The following ATP8A2 variants were observed in gnomAD, a reference collection of about 807,000 sequenced individuals.
The protein encoded by ATP8A2 is ATPase phospholipid transporting 8A2.
ATP8A2 carries 100 observed loss-of-function variants against 165.6 expected under a neutral mutation model. That is an observed-to-expected ratio of 0.60 (90% CI 0.51 to 0.71). ATP8A2 has a LOEUF of 0.71. Ranked by LOEUF, ATP8A2 falls within the 30% of genes least tolerant of loss-of-function variation. The pLI is 0.00. For missense variants in ATP8A2, 1,227 were observed against 1,479.5 expected (o/e 0.83, Z 2.80); for synonymous variants, 543 against 548.8 (o/e 0.99, Z 0.15).
chr13:25,470,088 T>C (rs2137527496), intron 2 of ATP8A2, among the ~76,000 whole-genome samples: 1 of 152,364 alleles, frequency 6.6e-6, no homozygotes, highest in East Asian at 1.9e-4. Flanking sequence ...TTTGTTGTTA[T>C]ATGTTTAAGT....
At chr13:25,643,329 T>G (rs1317723352) in intron 24 of ATP8A2, among the ~76,000 whole-genome samples, 1 of 152,164 alleles carries the variant, frequency 6.6e-6, no homozygotes, top group East Asian at 1.9e-4. Context: ...TAGCATCATG[T>G]TTTCATCCTT....
At chr13:25,667,151 T>C (rs1369233963) in intron 24 of ATP8A2, among the ~76,000 whole-genome samples, 6 of 152,226 alleles carry the variant, frequency 3.9e-5, no homozygotes. Flanking sequence ...ACTCAACTCT[T>C]TCCCCTCAAA....
At chr13:25,761,932 TA>T (rs2044387666) in intron 25 of ATP8A2, among the ~76,000 whole-genome samples, 1 of 151,948 alleles carries the variant, frequency 6.6e-6, no homozygotes, top group Admixed American at 6.6e-5. Context: ...GAGCCCTTTG[TA>T]AGGACAAAGA....
intron 27 of ATP8A2, among the ~76,000 whole-genome samples, chr13:25,818,621 A>G (rs1050130653): frequency 6.6e-6 from 1 of 152,224 alleles, no homozygotes; most frequent in Non-Finnish European, 1.5e-5. Context: ...GGTTCTTGGA[A>G]CTGAGTAAGC....
chr13:25,853,063 A>G (rs1167406482), intron 30 of ATP8A2, among the ~76,000 whole-genome samples: 2 of 152,134 alleles, frequency 1.3e-5, no homozygotes, highest in South Asian at 4.1e-4. Flanking sequence ...TAAAGTGCTT[A>G]GAACTGTGTA....
intron 30 of ATP8A2, among the ~76,000 whole-genome samples, chr13:25,843,084 C>G (rs1387493730): frequency 1.3e-5 from 2 of 152,158 alleles, no homozygotes; most frequent in African/African-American, 4.8e-5. Context: ...ATATAGATAT[C>G]AGCAAGCCAG....
intron 35 of ATP8A2, among the ~76,000 whole-genome samples, chr13:26,003,369 T>A (rs1956674980): frequency 2.0e-5 from 3 of 152,016 alleles, no homozygotes; most frequent in South Asian, 2.1e-4. Flanking sequence ...TTTTTTTTTT[T>A]AATTGAGCTA....
intron 33 of ATP8A2, among the ~76,000 whole-genome samples, chr13:25,942,443 A>G (rs1404829767): frequency 2.6e-5 from 4 of 151,684 alleles, no homozygotes; most frequent in Non-Finnish European, 5.9e-5. Context: ...TTTTTTTGAG[A>G]TGAAGTCTCG....
At chr13:25,509,395 A>G (rs1464171013) in intron 2 of ATP8A2, among the ~76,000 whole-genome samples, 2 of 152,226 alleles carry the variant, frequency 1.3e-5, no homozygotes, top group African/African-American at 4.8e-5. Flanking sequence ...AAAATGAATT[A>G]TCTGTTCTTT....
At chr13:25,868,689 C>G (rs1012251192) in intron 33 of ATP8A2, among the ~76,000 whole-genome samples, 1 of 152,116 alleles carries the variant, frequency 6.6e-6, no homozygotes, top group Non-Finnish European at 1.5e-5. Flanking sequence ...TCTGCTGCAC[C>G]TATGACTGTT....
At chr13:25,814,387 A>T (rs1950956155) in intron 27 of ATP8A2, among the ~76,000 whole-genome samples, 1 of 152,146 alleles carries the variant, frequency 6.6e-6, no homozygotes, top group Non-Finnish European at 1.5e-5. Flanking sequence ...AGGAAAACCT[A>T]TTCTAAGCTT....
At chr13:25,659,518 C>G (rs567359261) in intron 24 of ATP8A2, among the ~76,000 whole-genome samples, 2 of 152,310 alleles carry the variant, frequency 1.3e-5, no homozygotes, top group East Asian at 3.9e-4. Flanking sequence ...TAAGCTATCT[C>G]TACACCACTG....
chr13:25,901,385 G>A (rs1311830851), intron 33 of ATP8A2, among the ~76,000 whole-genome samples: 3 of 150,770 alleles, frequency 2.0e-5, no homozygotes, highest in African/African-American at 7.3e-5. Flanking sequence ...AGGAGCTCCA[G>A]TAGAATTTAT....
At chr13:25,454,913 C>A (rs182113331) in intron 1 of ATP8A2, among the ~76,000 whole-genome samples, 2 of 152,252 alleles carry the variant, frequency 1.3e-5, no homozygotes, top group Non-Finnish European at 2.9e-5. Context: ...CAGAGTGAGA[C>A]TCCGTCTCAA....
chr13:25,422,110 T>A lies in ATP8A2; in HGVS notation c.77-46867T>A, dbSNP rs541166226. On this transcript the variant is annotated intron_variant, in intron 1 of 36. Transcript: ENST00000381655. ...GGTTTTCAGAAAAGACAAAGCAGTATCATTGCCCCCTCTTTTTTTTCTGGC... is the reference window on the plus strand; with the variant it reads ...GGTTTTCAGAAAAGACAAAGCAGTAACATTGCCCCCTCTTTTTTTTCTGGC... Among the ~76,000 whole-genome samples, 3 of 152,262 alleles carry A rather than the reference T, an allele frequency of 2.0e-5. No homozygotes were observed. In the South Asian group the frequency reaches 6.2e-4, roughly 32 times the overall value.
intron 25 of ATP8A2, among the ~76,000 whole-genome samples, chr13:25,734,556 G>A (rs2043725399): frequency 6.6e-6 from 1 of 152,186 alleles, no homozygotes; most frequent in Non-Finnish European, 1.5e-5. Flanking sequence ...CTTCAAGGTT[G>A]CTTAAAGCAA....
intron 33 of ATP8A2, among the ~76,000 whole-genome samples, chr13:25,952,783 A>G (rs949186175): frequency 3.9e-5 from 6 of 152,214 alleles, no homozygotes; most frequent in African/African-American, 1.4e-4. Context: ...ACCTCAGCCA[A>G]GCCTTTAGAG....
intron 2 of ATP8A2, among the ~76,000 whole-genome samples, chr13:25,524,745 A>G (rs2037781397): frequency 6.6e-6 from 1 of 152,040 alleles, no homozygotes; most frequent in Non-Finnish European, 1.5e-5. Context: ...TAGGCAGCAT[A>G]TAGCTGAGTC....
chr13:25,748,204 C>T (rs576001966), intron 25 of ATP8A2, among the ~76,000 whole-genome samples: 53 of 152,154 alleles, frequency 3.5e-4, no homozygotes, highest in Non-Finnish European at 6.8e-4. Context: ...TCACTCATAG[C>T]AGAAAAATTA....
Sources: gnomAD v4.1 joint callset for allele counts (sites outside exome capture counted in the v4.1 genomes callset) on GRCh38, gnomAD v4.1.1 for gene constraint, MANE v1.5 for transcripts, NCBI Gene and HGNC (gene_info 2026-07-23, HGNC 2026-07-21) for gene names.